Variants in KDM5A observed in about 807,000 individuals in gnomAD.
KDM5A encodes lysine-specific demethylase 5A.
Under a neutral mutation model 193.5 loss-of-function variants are expected in KDM5A, and 42 were observed. That is an observed-to-expected ratio of 0.22 (90% CI 0.17 to 0.28). The LOEUF is 0.28. Ranked by LOEUF, KDM5A falls within the 10% of genes least tolerant of loss-of-function variation. KDM5A has a pLI of 1.00. For missense variants in KDM5A, 1,692 were observed against 2,055.1 expected, an observed-to-expected ratio of 0.82 and a Z score of 3.42; for synonymous variants, 796 against 718.1, an observed-to-expected ratio of 1.11 and a Z score of -1.73.
At position 315,416 on chromosome 12, in the gene KDM5A, A is replaced by G. The variant is rs543504255; in HGVS notation, c.2898-2222T>C. ...TGGCGAAACCCCATCTCTGCAAAAA[A>G]TAAAAAAATTAGCTGGGCATGGTGG... On this transcript the variant is annotated intron_variant, in intron 19 of 27. Transcript: ENST00000399788. Among the ~76,000 whole-genome samples the G allele has an allele frequency of 1.1e-3, 169 of 152,284 alleles. 2 individuals carry two copies. Among genetic ancestry groups the G allele is most frequent in the African/African-American group, 3.9e-3 (164 of 41,562 alleles).
intron 19 of KDM5A, among the ~76,000 whole-genome samples, chr12:313,624 A>G (rs1375130822): frequency 6.6e-6 from 1 of 152,182 alleles, no homozygotes; most frequent in Non-Finnish European, 1.5e-5. Flanking sequence ...AAAACAATAG[A>G]CTAGAAATCC....
chr12:381,154 C>A (rs975178300), intron 3 of KDM5A, among the ~76,000 whole-genome samples: 1 of 152,144 alleles, frequency 6.6e-6, no homozygotes, highest in Non-Finnish European at 1.5e-5. Flanking sequence ...GCCACCACGT[C>A]CGGCTAATTT....
At chr12:320,149 G>C (rs1943698449) in intron 18 of KDM5A, among the ~76,000 whole-genome samples, 1 of 152,180 alleles carries the variant, frequency 6.6e-6, no homozygotes, top group Non-Finnish European at 1.5e-5. Flanking sequence ...TTATGAAATG[G>C]AGTAAGACAA....
At chr12:328,739 C>T in intron 14 of KDM5A, 96 bp downstream of exon 14, 1 of 1,054,786 alleles carries the variant, frequency 9.5e-7, no homozygotes, top group Non-Finnish European at 1.5e-6. Context: ...TTATGCTCAA[C>T]TCCTAGGGGA....
rs150996279 is a variant in KDM5A, at chr12:375,341, C to G, written c.366+8690G>C. 2.8e-3 allele frequency among the ~76,000 whole-genome samples: 429 copies of G among 152,304 alleles called. 13 individuals carry two copies. In the East Asian group the frequency reaches 0.065, roughly 23 times the overall value. On this transcript the variant is annotated intron_variant, in intron 3 of 27. Transcript: ENST00000399788. ...TTAATTTGATCTTCAATCACTGATA[C>G]CCTTTCTTCCAAATGATCAAATTGG...
At position 283,971 on chromosome 12, in the gene KDM5A, C is replaced by G. The variant is rs1045332692; in HGVS notation, c.*1485G>C. The G allele has an allele frequency of 2.6e-5, 6 of 233,368 alleles. No homozygotes were observed. Among genetic ancestry groups the G allele is most frequent in the African/African-American group, 1.3e-4 (6 of 45,328 alleles). 14.5% of individuals were successfully genotyped at this position (233,368 alleles called of 1,614,324 possible). On this transcript the variant is annotated 3_prime_UTR_variant, in exon 28 of 28. Coordinates refer to ENST00000399788, the MANE Select transcript of KDM5A (RefSeq NM_001042603.3). ...CACACAAAAGAAAAAAGAGCCAGCA[C>G]AGACTAGAGTGAGACCAAGTTTCCC...
Position 389,155 on chromosome 12 carries a change from C to T in KDM5A, c.-64G>A, listed in dbSNP as rs752136939. The T allele has an allele frequency of 3.4e-6, 5 of 1,488,066 alleles. No homozygotes were observed. The highest frequency in any genetic ancestry group is 4.7e-6 in the Non-Finnish European group (5 of 1,066,596). 92.2% of individuals were successfully genotyped at this position (1,488,066 alleles called of 1,614,324 possible). ...CCGGTGGAGAAAAGCTGGCTGAAGCCCACTAAGCCCGTTCAAGTCCCCTGA... is the reference window on the plus strand; with the variant it reads ...CCGGTGGAGAAAAGCTGGCTGAAGCTCACTAAGCCCGTTCAAGTCCCCTGA... On this transcript the variant is annotated 5_prime_UTR_variant, in exon 1 of 28. Coordinates refer to ENST00000399788, the MANE Select transcript of KDM5A (RefSeq NM_001042603.3).
At position 307,517 on chromosome 12, in the gene KDM5A, T is replaced by C; in HGVS notation, c.3867A>G (p.Arg1289=). 2 of 1,613,928 alleles carry C rather than the reference T, an allele frequency of 1.2e-6. No individual in the cohort carries two copies. The highest frequency in any genetic ancestry group is 8.5e-7 in the Non-Finnish European group (1 of 1,180,030). ...CACTGATGATCTTTTCAGTTTTTTC[T>C]CGAGCCGCCTGTTCCACCATACGCT... ...LSQRMVEQAA[R]EKTEKIISAE... Residue 1289 remains arginine, a synonymous_variant, in exon 23 of 28, where the codon CGA becomes CGG. Coordinates refer to ENST00000399788, the MANE Select transcript of KDM5A (RefSeq NM_001042603.3). This position sits in a 1 kb window ranked among gnomAD's most constrained non-coding sequence, Gnocchi z 4.3.
At chr12:319,966 A>G (rs1020587561) in intron 18 of KDM5A, among the ~76,000 whole-genome samples, 3 of 152,274 alleles carry the variant, frequency 2.0e-5, no homozygotes, top group Admixed American at 2.0e-4. Flanking sequence ...GAAAGGGCCG[A>G]GACTCCTAAT....
intron 2 of KDM5A, among the ~76,000 whole-genome samples, chr12:384,718 G>C (rs570764422): frequency 2.6e-5 from 4 of 152,124 alleles, no homozygotes; most frequent in Admixed American, 6.6e-5. Context: ...AACAATTTTT[G>C]TAAGTTGGTT....
At chr12:388,553 C>G (rs1306867155) in intron 1 of KDM5A, 2 of 368,384 alleles carry the variant, frequency 5.4e-6, no homozygotes, top group African/African-American at 2.1e-5. Flanking sequence ...TTGATCCAAC[C>G]AGGTCTTGAA....
At chr12:286,750 C>T (rs145728332) in intron 27 of KDM5A, among the ~76,000 whole-genome samples, 103 of 152,236 alleles carry the variant, frequency 6.8e-4, no homozygotes, top group African/African-American at 2.4e-3. Context: ...GTTTCCATGT[C>T]CTATAAAAAA....
At position 285,763 on chromosome 12, in the gene KDM5A, C is replaced by G. The variant is rs1239324291; in HGVS notation, c.4867-101G>C. The stretch of plus-strand genomic sequence containing the variant: ...TCTTGGCTTAAACAATAGCAAACAA[C>G]TGGGATGTCTAGATAGGCAATGACT... On this transcript the variant is annotated intron_variant, in intron 27 of 27. Transcript: ENST00000399788. The G allele has an allele frequency of 6.9e-6, 7 of 1,010,460 alleles. No individual in the cohort carries two copies. The African/African-American group carries it at 9.6e-5, about 14-fold the overall frequency. The allele number at this position is 1,010,460 out of a possible 1,614,324, so 62.6% of individuals were successfully genotyped here.
At chr12:322,915 T>C (rs1050547650) in intron 16 of KDM5A, among the ~76,000 whole-genome samples, 167 bp downstream of exon 16, 1 of 152,110 alleles carries the variant, frequency 6.6e-6, no homozygotes, top group Non-Finnish European at 1.5e-5. Flanking sequence ...TCAAACAAGA[T>C]TCTCAAATAG....
chr12:293,096 A>G lies in KDM5A; in HGVS notation c.4529T>C (p.Leu1510Pro). ...TCCAAAAAGTTGCTCTACCTTTTCT[A>G]GCTTCCGTTTCCGTTTCTTCTCTGA... ...DSSEKKRKRKLEKVEQLFGEG... is the reference protein window; with the variant it reads ...DSSEKKRKRKPEKVEQLFGEG... Residue 1510 changes from leucine to proline, a missense_variant, in exon 27 of 28, where the codon CTA becomes CCA. By Grantham distance (98) the Leu-to-Pro change is moderately conservative. This residue lies in a region of KDM5A where 965 missense variants were observed against 1,061.0 expected (regional missense o/e 0.91). Coordinates refer to ENST00000399788, the MANE Select transcript of KDM5A (RefSeq NM_001042603.3). 1.9e-6 allele frequency: 3 copies of G among 1,595,566 alleles called. No individual in the cohort carries two copies. Among genetic ancestry groups the G allele is most frequent in the Non-Finnish European group, 2.6e-6 (3 of 1,175,544 alleles).
At position 372,191 on chromosome 12, in the gene KDM5A, G is replaced by A. The variant is rs564876109; in HGVS notation, c.367-6087C>T. Among the ~76,000 whole-genome samples, 5 of 152,324 alleles carry A rather than the reference G, an allele frequency of 3.3e-5. No homozygotes were observed. In the South Asian group the frequency reaches 1.0e-3, roughly 32 times the overall value. ...CTGAATCTATAAACTACCTTGGGCAGTATGGCCATTTTCACGATAATGATT... is the reference window on the plus strand; with the variant it reads ...CTGAATCTATAAACTACCTTGGGCAATATGGCCATTTTCACGATAATGATT... On this transcript the variant is annotated intron_variant, in intron 3 of 27. Transcript: ENST00000399788.
At chr12:377,735 G>C (rs1417287867) in intron 3 of KDM5A, among the ~76,000 whole-genome samples, 1 of 152,084 alleles carries the variant, frequency 6.6e-6, no homozygotes, top group Non-Finnish European at 1.5e-5. Context: ...ACCAAAATGA[G>C]AGTAAACCAA....
In KDM5A at chr12:292,979, T is replaced by C; in HGVS notation, c.4646A>G (p.Asn1549Ser). The C allele has an allele frequency of 1.2e-6, 2 of 1,611,496 alleles. No homozygotes were observed. Residue 1549 changes from asparagine (N) to serine (S), a missense_variant, in exon 27 of 28, where the codon AAT (asparagine) becomes AGT (serine). Coordinates refer to ENST00000399788, the MANE Select transcript of KDM5A (RefSeq NM_001042603.3). ...KLGADKSKEL[N>S]KLAKKLAKEE... ...TTTTGCTAGTTTCTTGGCCAGTTTA[T>C]TCAGCTCCTTTGATTTGTCTGCACC...
chr12:332,050 A>G, intron 12 of KDM5A, 112 bp from the exon 13 acceptor site: 1 of 1,031,666 alleles, frequency 9.7e-7, no homozygotes, highest in African/African-American at 1.6e-5. Context: ...TGAAAACAAT[A>G]AAGCATTAAG....
Sources: allele counts gnomAD v4.1 joint callset (sites outside exome capture counted in the v4.1 genomes callset), GRCh38; gene constraint gnomAD v4.1.1; regional missense constraint gnomAD v4.1.1; non-coding constraint Gnocchi (gnomAD v3.1); transcripts MANE v1.5; gene names NCBI Gene and HGNC (gene_info 2026-07-23, HGNC 2026-07-21).